Variants in EPB41L4A observed in about 807,000 individuals in gnomAD.
The protein encoded by EPB41L4A is erythrocyte membrane protein band 4.1 like 4A, also known as band 4.1-like protein 4A.
In EPB41L4A, 100 loss-of-function variants were observed where a neutral mutation model predicts 108.6. The ratio of observed to expected loss-of-function variants is 0.92; its 90% CI spans 0.78 to 1.09. The LOEUF (loss-of-function observed/expected upper bound fraction) is 1.09, where lower values mean the gene tolerates loss of function less well. Among genes scored for constraint, EPB41L4A ranks in the 50% least tolerant of loss-of-function variants. The pLI, the probability that EPB41L4A is intolerant of heterozygous loss-of-function variation, is 0.00. For missense variants in EPB41L4A, 1,030 were observed against 842.7 expected, an observed-to-expected ratio of 1.22 and a Z score of -2.75; for synonymous variants, 319 against 289.0, an observed-to-expected ratio of 1.10 and a Z score of -1.05.
At chr5:112,339,534 A>C (rs1242814829) in intron 1 of EPB41L4A, among the ~76,000 whole-genome samples, 4 of 113,102 alleles carry the variant, frequency 3.5e-5, no homozygotes, top group African/African-American at 1.6e-4. Context: ...ATATCTATAT[A>C]TATATATATT....
intron 1 of EPB41L4A, among the ~76,000 whole-genome samples, chr5:112,386,656 G>A (rs1298911010): frequency 6.6e-6 from 1 of 152,230 alleles, no homozygotes; most frequent in East Asian, 1.9e-4. Flanking sequence ...TAAATGAATC[G>A]ATTGTATCAA....
At chr5:112,300,868 G>C (rs1340474825) in intron 2 of EPB41L4A, among the ~76,000 whole-genome samples, 2 of 151,898 alleles carry the variant, frequency 1.3e-5, no homozygotes, top group Non-Finnish European at 2.9e-5. Context: ...GTCTTTGTTG[G>C]ACTGGGTTAA....
chr5:112,259,876 T>TGG lies in EPB41L4A; in HGVS notation c.731+14_731+15insCC. 2 of 1,604,808 alleles carry TGG rather than the reference T, an allele frequency of 1.2e-6. No homozygotes were observed. Among genetic ancestry groups the TGG allele is most frequent in the Non-Finnish European group, 1.7e-6 (2 of 1,171,548 alleles). ...AAAACATAGAATGCCAACTCTGTTC[T>TGG]CAAGCCATACCTACCAGAAATACTT... On this transcript the variant is annotated intron_variant, in intron 8 of 22. Coordinates refer to ENST00000261486, the MANE Select transcript of EPB41L4A (RefSeq NM_022140.5).
At chr5:112,311,387 TCC>T (rs1755039022) in intron 1 of EPB41L4A, among the ~76,000 whole-genome samples, 1 of 152,160 alleles carries the variant, frequency 6.6e-6, no homozygotes, top group Admixed American at 6.5e-5. Context: ...AAGCAAGGAT[TCC>T]TAAAATAAAT....
At chr5:112,311,111 G>A (rs951262774) in intron 1 of EPB41L4A, among the ~76,000 whole-genome samples, 4 of 152,118 alleles carry the variant, frequency 2.6e-5, no homozygotes, top group East Asian at 3.9e-4. Flanking sequence ...TGATCCTCCC[G>A]CCTCAGCCTC....
intron 1 of EPB41L4A, among the ~76,000 whole-genome samples, chr5:112,412,083 A>T (rs1275219240): frequency 6.6e-6 from 1 of 152,146 alleles, no homozygotes; most frequent in East Asian, 1.9e-4. Context: ...TGTCGTTCCT[A>T]AACAATACAC....
chr5:112,240,719 C>G lies in EPB41L4A; in HGVS notation c.887G>C (p.Arg296Thr). ...KCSVEHHTFFRMPENESNSLS... is the reference protein window; with the variant it reads ...KCSVEHHTFFTMPENESNSLS... ...AAACAAAATTTTTACATCAATTTAC[C>G]TAAAAAATGTATGATGTTCCACACT... is the stretch of plus-strand genomic sequence containing the variant. Residue 296 changes from arginine (R) to threonine (T), a missense_variant and splice_region_variant, in exon 10 of 23, where the codon AGA becomes ACA. Transcript: ENST00000261486. 2 of 1,515,872 alleles carry G rather than the reference C, an allele frequency of 1.3e-6. No homozygotes were observed. Among genetic ancestry groups the G allele is most frequent in the Non-Finnish European group, 1.8e-6 (2 of 1,135,578 alleles). The allele number at this position is 1,515,872 out of a possible 1,614,324, so 93.9% of individuals were successfully genotyped here. A position where few individuals can be genotyped will look rare whatever the true frequency, so the allele number is the denominator to read the frequency against.
chr5:112,409,606 T>C (rs561534624), intron 1 of EPB41L4A, among the ~76,000 whole-genome samples: 3 of 152,304 alleles, frequency 2.0e-5, no homozygotes, highest in Middle Eastern at 3.4e-3. Flanking sequence ...TCTCAGATTA[T>C]GTCAACGTAA....
At chr5:112,371,454 G>A (rs373996967) in intron 1 of EPB41L4A, among the ~76,000 whole-genome samples, 1 of 152,156 alleles carries the variant, frequency 6.6e-6, no homozygotes, top group Non-Finnish European at 1.5e-5. Flanking sequence ...CAGTACTTAA[G>A]ATATGGAATC....
chr5:112,409,563 T>C (rs1426831099), intron 1 of EPB41L4A, among the ~76,000 whole-genome samples: 1 of 152,208 alleles, frequency 6.6e-6, no homozygotes, highest in Non-Finnish European at 1.5e-5. Flanking sequence ...CAAGAACACC[T>C]AGAAAACGGA....
intron 12 of EPB41L4A, among the ~76,000 whole-genome samples, chr5:112,156,821 G>C (rs1452061611): frequency 6.6e-6 from 1 of 152,150 alleles, no homozygotes; most frequent in Non-Finnish European, 1.5e-5. Context: ...TATGGCTTTA[G>C]CAGTACAATC....
chr5:112,165,044 G>T lies in EPB41L4A; in HGVS notation c.2007C>A (p.His669Gln). 1.9e-6 allele frequency: 3 copies of T among 1,613,896 alleles called. No homozygotes were observed. Among genetic ancestry groups the T allele is most frequent in the Non-Finnish European group, 2.5e-6 (3 of 1,179,918 alleles). ...GTATAGTTTTTATTGTTTTTGCTGT[G>T]TGTTTTCCAGCCAGGTTGTTTGTAG... ...QTSTNNLAGKHTAKTIKTIQA... is the reference protein window; with the variant it reads ...QTSTNNLAGKQTAKTIKTIQA... The change falls in exon 23 of 23, where the codon CAC becomes CAA. Residue 669 changes from histidine to glutamine, a missense_variant. Transcript: ENST00000261486.
intron 1 of EPB41L4A, among the ~76,000 whole-genome samples, chr5:112,334,714 T>C (rs4479888): frequency 0.66 from 101,008 of 151,978 alleles, 35,319 homozygotes; most frequent in Middle Eastern, 0.86. Context: ...TCTGTCTCCC[T>C]AAAATGTATA....
intron 1 of EPB41L4A, among the ~76,000 whole-genome samples, chr5:112,357,461 T>A (rs2150748398): frequency 6.6e-6 from 1 of 152,332 alleles, no homozygotes; most frequent in Admixed American, 6.5e-5. Context: ...TAACACCTAC[T>A]CCTAGCATAC....
chr5:112,378,034 C>T (rs943208829), intron 1 of EPB41L4A, among the ~76,000 whole-genome samples: 1 of 152,106 alleles, frequency 6.6e-6, no homozygotes, highest in Admixed American at 6.5e-5. Context: ...TAAGATGCAA[C>T]CTTGGTTTTC....
At chr5:112,414,583 C>T (rs1762597312) in intron 1 of EPB41L4A, among the ~76,000 whole-genome samples, 1 of 152,162 alleles carries the variant, frequency 6.6e-6, no homozygotes, top group African/African-American at 2.4e-5. Context: ...TTCAAGAACA[C>T]ACACAGTAAC....
At chr5:112,350,022 G>A (rs1423003145) in intron 1 of EPB41L4A, among the ~76,000 whole-genome samples, 1 of 152,144 alleles carries the variant, frequency 6.6e-6, no homozygotes, top group African/African-American at 2.4e-5. Flanking sequence ...TTGCCCAACC[G>A]AACTGTTGCC....
chr5:112,383,534 G>A (rs1198386904), intron 1 of EPB41L4A, among the ~76,000 whole-genome samples: 1 of 152,146 alleles, frequency 6.6e-6, no homozygotes, highest in East Asian at 1.9e-4. Context: ...AACACAATCA[G>A]ATTGAAATCC....
intron 9 of EPB41L4A, among the ~76,000 whole-genome samples, chr5:112,244,610 T>A (rs1750074646): frequency 6.6e-6 from 1 of 152,198 alleles, no homozygotes; most frequent in African/African-American, 2.4e-5. Context: ...AGATATGATG[T>A]CTACATAGTG....
Sources: gnomAD v4.1 joint callset for allele counts (sites outside exome capture counted in the v4.1 genomes callset) on GRCh38, gnomAD v4.1.1 for gene constraint, MANE v1.5 for transcripts, NCBI Gene and HGNC (gene_info 2026-07-23, HGNC 2026-07-21) for gene names.